The following SPATA16 variants were observed in gnomAD, a reference collection of about 807,000 sequenced individuals.
SPATA16 encodes spermatogenesis associated 16, also known as spermatogenesis-associated protein 16.
Under a neutral mutation model 63.3 loss-of-function variants are expected in SPATA16, and 36 were observed. That is an observed-to-expected ratio of 0.57 (90% CI 0.44 to 0.75). SPATA16 has a LOEUF of 0.75. Ranked by LOEUF, SPATA16 falls within the 30% of genes least tolerant of loss-of-function variation. The probability of loss-of-function intolerance (pLI) is 0.00; values close to 1 mark genes in which losing one functional copy is unlikely to be tolerated. For synonymous variants in SPATA16, 203 were observed against 216.7 expected, an observed-to-expected ratio of 0.94 and a Z score of 0.56; for missense variants, 646 against 679.3, an observed-to-expected ratio of 0.95 and a Z score of 0.54.
intron 2 of SPATA16, among the ~76,000 whole-genome samples, chr3:173,101,127 G>C (rs1298725497): frequency 6.6e-6 from 1 of 152,018 alleles, no homozygotes; most frequent in Non-Finnish European, 1.5e-5. Flanking sequence ...TTCAGGCTAG[G>C]GCTTGCTGAG....
At chr3:172,916,089 C>T (rs937199780) in intron 9 of SPATA16, among the ~76,000 whole-genome samples, 6 of 152,126 alleles carry the variant, frequency 3.9e-5, no homozygotes, top group African/African-American at 7.2e-5. Context: ...CACATCACAA[C>T]GTTTTTGCTG....
intron 1 of SPATA16, among the ~76,000 whole-genome samples, chr3:173,122,562 C>T (rs1738106320): frequency 6.6e-6 from 1 of 151,652 alleles, no homozygotes; most frequent in Admixed American, 6.6e-5. Context: ...ACCAGTGAGA[C>T]ATTATGAGAA....
At chr3:172,980,572 C>A (rs1351827344) in intron 4 of SPATA16, among the ~76,000 whole-genome samples, 1 of 152,120 alleles carries the variant, frequency 6.6e-6, no homozygotes. Context: ...TGATAAGCAC[C>A]ATGTTAAGCA....
intron 2 of SPATA16, among the ~76,000 whole-genome samples, chr3:173,072,093 A>G (rs984472383): frequency 3.9e-5 from 6 of 152,222 alleles, no homozygotes; most frequent in African/African-American, 1.4e-4. Context: ...GAATCATTCT[A>G]CAGAAAAGAC....
intron 9 of SPATA16, among the ~76,000 whole-genome samples, chr3:172,914,798 G>C (rs1205435903): frequency 6.6e-6 from 1 of 151,772 alleles, no homozygotes; most frequent in Non-Finnish European, 1.5e-5. Context: ...GTTTCAAATA[G>C]AGAAAAATTA....
rs1330152421 is a variant in SPATA16, at chr3:173,027,997, C to T, written c.759-8422G>A. ...TTTCTCCCTCCCTCCCTCCCTCCCT[C>T]CCTCCCTCCCTCCCTCCCTTCCTTC... On this transcript the variant is annotated intron_variant, in intron 3 of 10. Coordinates refer to ENST00000351008, the MANE Select transcript of SPATA16 (RefSeq NM_031955.6). Among the ~76,000 whole-genome samples the T allele has an allele frequency of 5.1e-3, 323 of 63,032 alleles. 7 individuals are homozygous for T. Among genetic ancestry groups the T allele is most frequent in the African/African-American group, 0.021 (294 of 13,938 alleles). 41.4% of individuals were successfully genotyped at this position (63,032 alleles called of 152,430 possible).
At chr3:173,088,007 C>CTTTCTCTCT (rs1553801607) in intron 2 of SPATA16, among the ~76,000 whole-genome samples, 1 of 118,308 alleles carries the variant, frequency 8.5e-6, no homozygotes, top group African/African-American at 3.5e-5. Flanking sequence ...ATTTTCTTTC[C>CTTTCTCTCT]GTCTTTCTTT....
chr3:172,947,335 A>G (rs1309342341), intron 6 of SPATA16, among the ~76,000 whole-genome samples: 1 of 152,194 alleles, frequency 6.6e-6, no homozygotes, highest in Non-Finnish European at 1.5e-5. Context: ...ATAAACATCT[A>G]CAAACATCGA....
Position 173,076,291 on chromosome 3 carries a change from T to C in SPATA16, c.613-27197A>G, listed in dbSNP as rs374754048. 3.9e-5 allele frequency among the ~76,000 whole-genome samples: 6 copies of C among 152,176 alleles called. No homozygotes were observed. The East Asian group carries it at 7.7e-4, about 20-fold the overall frequency. On this transcript the variant is annotated intron_variant, in intron 2 of 10. Coordinates refer to ENST00000351008, the MANE Select transcript of SPATA16 (RefSeq NM_031955.6). ...TTTAAAGAATACTAGAAATTGACGT[T>C]TGTGAATGCCAAGAGAATTATACTT...
intron 3 of SPATA16, among the ~76,000 whole-genome samples, chr3:173,027,870 T>A (rs1735487306): frequency 6.6e-6 from 1 of 151,882 alleles, no homozygotes; most frequent in East Asian, 1.9e-4. Flanking sequence ...AAGCTATGGA[T>A]TTTTGCCTGG....
chr3:173,055,741 A>T (rs973175387), intron 2 of SPATA16, among the ~76,000 whole-genome samples: 3 of 152,224 alleles, frequency 2.0e-5, no homozygotes, highest in Non-Finnish European at 1.5e-5. Context: ...CACACATACA[A>T]GAGTGAAAGT....
intron 2 of SPATA16, among the ~76,000 whole-genome samples, chr3:173,053,837 G>A (rs922285667): frequency 3.9e-5 from 6 of 151,932 alleles, no homozygotes; most frequent in East Asian, 1.9e-4. Flanking sequence ...ATCATCAATT[G>A]GTAATTTTTA....
chr3:173,094,271 T>TGGGCAAA (rs1737296884), intron 2 of SPATA16, among the ~76,000 whole-genome samples: 1 of 152,188 alleles, frequency 6.6e-6, no homozygotes, highest in Non-Finnish European at 1.5e-5. Flanking sequence ...AGGGTCACCG[T>TGGGCAAA]CCCACTATAT....
At chr3:173,089,443 C>T (rs73045001) in intron 2 of SPATA16, among the ~76,000 whole-genome samples, 6,763 of 152,200 alleles carry the variant, frequency 0.044, 496 homozygotes, top group African/African-American at 0.15. Flanking sequence ...AACTGGGAAG[C>T]GGATGAGGCA....
chr3:172,963,315 A>G (rs1295453617), intron 5 of SPATA16, among the ~76,000 whole-genome samples: 8 of 152,250 alleles, frequency 5.3e-5, no homozygotes, highest in African/African-American at 1.9e-4. Context: ...AAAAATATTT[A>G]AATTTTACTT....
intron 4 of SPATA16, among the ~76,000 whole-genome samples, chr3:173,002,835 T>C (rs781710070): frequency 7.9e-5 from 12 of 152,202 alleles, no homozygotes; most frequent in Non-Finnish European, 1.6e-4. Flanking sequence ...TAAAATGGTG[T>C]CAAAATAATT....
At chr3:173,037,617 C>G (rs1735744119) in intron 3 of SPATA16, among the ~76,000 whole-genome samples, 1 of 152,068 alleles carries the variant, frequency 6.6e-6, no homozygotes, top group South Asian at 2.1e-4. Flanking sequence ...ACATGGTCTG[C>G]ATTTTCCCCA....
chr3:172,920,048 T>C (rs1268221098), intron 8 of SPATA16, among the ~76,000 whole-genome samples: 2 of 152,240 alleles, frequency 1.3e-5, no homozygotes, highest in African/African-American at 2.4e-5. Context: ...CTATGTTGTG[T>C]GTTATGCATG....
intron 2 of SPATA16, among the ~76,000 whole-genome samples, chr3:173,086,101 G>GA (rs914475671): frequency 2.6e-5 from 4 of 152,168 alleles, no homozygotes; most frequent in African/African-American, 7.2e-5. Flanking sequence ...AATAATTTCA[G>GA]AAAAAATGGT....
Sources: allele counts gnomAD v4.1 joint callset (sites outside exome capture counted in the v4.1 genomes callset), GRCh38; gene constraint gnomAD v4.1.1; transcripts MANE v1.5; gene names NCBI Gene and HGNC (gene_info 2026-07-23, HGNC 2026-07-21).